KIF3A: variants seen among roughly 807,000 people sequenced by gnomAD.
KIF3A encodes the protein kinesin-like protein KIF3A.
In KIF3A, 27 loss-of-function variants were observed where a neutral mutation model predicts 92.6. That is an observed-to-expected ratio of 0.29 (90% confidence interval 0.21 to 0.40). The LOEUF is 0.40. Ranked by LOEUF, KIF3A falls within the 10% of genes least tolerant of loss-of-function variation. The probability of loss-of-function intolerance (pLI) is 1.00; values close to 1 mark genes in which losing one functional copy is unlikely to be tolerated. For synonymous variants in KIF3A, 250 were observed against 275.4 expected (o/e 0.91, Z 0.92); for missense variants, 581 against 872.6 (o/e 0.67, Z 4.21).
At chr5:132,713,490 C>T (rs1324072718) in intron 8 of KIF3A, among the ~76,000 whole-genome samples, 4 of 151,962 alleles carry the variant, frequency 2.6e-5, no homozygotes, top group Admixed American at 2.6e-4. Flanking sequence ...AATGCTATTG[C>T]CTACTTTTTT....
chr5:132,689,903 C>T (rs1010594199), downstream of KIF3A: 70 of 150,634 alleles, frequency 4.6e-4, no homozygotes, highest in African/African-American at 1.6e-3. Flanking sequence ...GAGTTTCCAC[C>T]CCTACAAAAA....
rs1365405298 is a variant in KIF3A, at chr5:132,693,853, A to C, written c.*2781T>G. The C allele has an allele frequency of 2.0e-5, 3 of 151,496 alleles. No homozygotes were observed. The highest frequency in any genetic ancestry group is 1.3e-4 in the Admixed American group (2 of 15,196). The allele number at this position is 151,496 out of a possible 1,614,324, so 9.4% of individuals were successfully genotyped here. On this transcript the variant is annotated 3_prime_UTR_variant, in exon 19 of 19. Coordinates refer to ENST00000403231, the MANE Select transcript of KIF3A (RefSeq NM_001300791.2). ...AAAATTAGCTGGGTGTGGTGGCGCA[A>C]ACCTGTAATCCCAGCTACTCAAGAG...
Position 132,726,171 on chromosome 5 carries a change from T to C in KIF3A, c.467A>G (p.Glu156Gly), listed in dbSNP as rs1227915040. The change falls in exon 4 of 19, where the codon GAA becomes GGA. Residue 156 changes from glutamate to glycine, a missense_variant. Coordinates refer to ENST00000403231, the MANE Select transcript of KIF3A (RefSeq NM_001300791.2). ...RVSYLEIYNE[E>G]VRDLLGKDQT... ...ATCCTTGCCCAAAAGGTCACGAACT[T>C]CTTCATTATATATTTCCAAATAAGA... is the stretch of plus-strand genomic sequence containing the variant. The C allele has an allele frequency of 6.2e-7, 1 of 1,612,324 alleles. No homozygotes were observed. The highest frequency in any genetic ancestry group is 1.1e-5 in the South Asian group (1 of 90,520).
At chr5:132,724,812 TATATATATATATATATATATATATATATA>T (rs1753971749) in intron 4 of KIF3A, among the ~76,000 whole-genome samples, 1 of 12,456 alleles carries the variant, frequency 8.0e-5, no homozygotes, top group African/African-American at 2.4e-4. Flanking sequence ...AAAAAATATA[TATATATATATATATATATATATATATATA>T]TATATATATA....
chr5:132,722,606 G>A lies in KIF3A; in HGVS notation c.511-1892C>T, dbSNP rs573150215. On this transcript the variant is annotated intron_variant, in intron 4 of 18. Coordinates refer to ENST00000403231, the MANE Select transcript of KIF3A (RefSeq NM_001300791.2). ...GTAAAAAAACTACTTATAATTATCT[G>A]AGTCTAGACCCAGATAATTATATCT... 2.0e-5 allele frequency among the ~76,000 whole-genome samples: 3 copies of A among 152,266 alleles called. No homozygotes were observed. The South Asian group carries it at 6.2e-4, about 32-fold the overall frequency.
chr5:132,716,476 A>C, intron 6 of KIF3A, 34 bp from the exon 7 acceptor site: 1 of 1,546,340 alleles, frequency 6.5e-7, no homozygotes, highest in South Asian at 1.2e-5. Context: ...TAAAGCTAAA[A>C]TTTTTTTAAA....
intron 4 of KIF3A, among the ~76,000 whole-genome samples, chr5:132,724,813 A>AT (rs1753972158): frequency 5.2e-3 from 39 of 7,506 alleles, no homozygotes; most frequent in Non-Finnish European, 0.012. Context: ...AAAAATATAT[A>AT]TATATATATA....
intron 6 of KIF3A, 128 bp from the exon 7 acceptor site, chr5:132,716,570 A>C (rs1753630735): frequency 1.2e-6 from 1 of 810,298 alleles, no homozygotes; most frequent in Non-Finnish European, 1.9e-6. Flanking sequence ...ACTTCAAAAT[A>C]ATATAGGAAA....
chr5:132,734,103 A>G, intron 2 of KIF3A, 102 bp downstream of exon 2: 1 of 905,068 alleles, frequency 1.1e-6, no homozygotes, highest in Non-Finnish European at 1.7e-6. Flanking sequence ...AACTGTATAT[A>G]TTTACTACAC....
At position 132,716,247 on chromosome 5, in the gene KIF3A, T is replaced by C; in HGVS notation, c.952A>G (p.Met318Val). ...DSLGGNSKTM[M>V]CANIGPADYN... ...CTATATCACCAATTAAGTCTTACCA[T>C]CATGGTTTTTGAATTTCCTCCTAAG... is the stretch of plus-strand genomic sequence containing the variant. Residue 318 changes from methionine to valine, a missense_variant and splice_region_variant, in exon 7 of 19, where the codon ATG (methionine) becomes GTG (valine). Coordinates refer to ENST00000403231, the MANE Select transcript of KIF3A (RefSeq NM_001300791.2). 6.2e-7 allele frequency: 1 copy of C among 1,611,370 alleles called. No individual in the cohort carries two copies. Among genetic ancestry groups the C allele is most frequent in the Non-Finnish European group, 8.5e-7 (1 of 1,177,596 alleles).
intron 15 of KIF3A, 33 bp downstream of exon 15, chr5:132,702,054 G>A: frequency 6.3e-7 from 1 of 1,579,338 alleles, no homozygotes; most frequent in Non-Finnish European, 8.7e-7. Flanking sequence ...TCCCAGTCAA[G>A]CGACTATCTC....
chr5:132,714,272 G>A (rs143064273), intron 8 of KIF3A, among the ~76,000 whole-genome samples: 2 of 152,076 alleles, frequency 1.3e-5, no homozygotes, highest in Non-Finnish European at 2.9e-5. Flanking sequence ...AGGAACTAGG[G>A]GAAGGGAGGA....
intron 10 of KIF3A, 113 bp from the exon 11 acceptor site, chr5:132,706,572 A>G: frequency 2.7e-6 from 2 of 753,492 alleles, no homozygotes; most frequent in Non-Finnish European, 4.1e-6. Context: ...AATATATAAT[A>G]GCATTCATTT....
intron 1 of KIF3A, among the ~76,000 whole-genome samples, chr5:132,734,780 CAA>C (rs1458104583): frequency 6.6e-6 from 1 of 152,162 alleles, no homozygotes; most frequent in Non-Finnish European, 1.5e-5. Context: ...TCTTTTTGCA[CAA>C]AAGTCTCTGA....
At chr5:132,698,892 C>G (rs1405331688) in intron 18 of KIF3A, among the ~76,000 whole-genome samples, 2 of 152,062 alleles carry the variant, frequency 1.3e-5, no homozygotes, top group Admixed American at 1.3e-4. Flanking sequence ...CATGCGCCAC[C>G]ATGCCTGGTT....
chr5:132,726,411 A>G lies in KIF3A; in HGVS notation c.368T>C (p.Ile123Thr), dbSNP rs1462578385. Reference protein sequence around the residue: ...VRAIPELRGIIPNSFAHIFGH... With the variant: ...VRAIPELRGITPNSFAHIFGH... ...AAATATGTGAGCAAATGAATTGGGA[A>G]TTATTCCTCTAAGTTCAGGAATAGC... The change falls in exon 3 of 19, where the codon ATT (isoleucine) becomes ACT (threonine). Residue 123 changes from isoleucine (I) to threonine (T), a missense_variant. Physicochemically the swap from Ile to Thr is moderately conservative, Grantham distance 89. Coordinates refer to ENST00000403231, the MANE Select transcript of KIF3A (RefSeq NM_001300791.2). 1.2e-6 allele frequency: 2 copies of G among 1,613,608 alleles called. No homozygotes were observed. Among genetic ancestry groups the G allele is most frequent in the Non-Finnish European group, 1.7e-6 (2 of 1,179,674 alleles).
At chr5:132,714,844 T>C (rs1753562105) in intron 8 of KIF3A, among the ~76,000 whole-genome samples, 2 of 152,226 alleles carry the variant, frequency 1.3e-5, no homozygotes, top group Admixed American at 1.3e-4. Flanking sequence ...AATAAAAGTA[T>C]GCACTCACCG....
At chr5:132,702,840 ATC>A (rs1753087700) in intron 13 of KIF3A, 43 bp downstream of exon 13, 2 of 1,577,796 alleles carry the variant, frequency 1.3e-6, no homozygotes, top group Admixed American at 1.8e-5. Context: ...GAAAAGTTAA[ATC>A]TCTCTGGCAA....
intron 2 of KIF3A, among the ~76,000 whole-genome samples, chr5:132,730,402 G>A (rs1229536442): frequency 6.6e-6 from 1 of 151,402 alleles, no homozygotes; most frequent in Non-Finnish European, 1.5e-5. Context: ...GGGAAGCAGA[G>A]GAGACAGTGA....
Sources: allele counts gnomAD v4.1 joint callset (sites outside exome capture counted in the v4.1 genomes callset), GRCh38; gene constraint gnomAD v4.1.1; transcripts MANE v1.5; gene names NCBI Gene and HGNC (gene_info 2026-07-23, HGNC 2026-07-21).